GPR158: variants seen among roughly 807,000 people sequenced by gnomAD.
GPR158 encodes the protein G protein-coupled receptor 158.
In GPR158, 30 loss-of-function variants were observed where a neutral mutation model predicts 78.2. The observed-to-expected ratio is 0.38, with a 90% CI of 0.29 to 0.52. GPR158 has a LOEUF of 0.52. Among genes scored for constraint, GPR158 ranks in the 20% least tolerant of loss-of-function variants. GPR158 has a pLI of 0.83. For missense variants in GPR158, 1,463 were observed against 1,523.5 expected, an observed-to-expected ratio of 0.96 and a Z score of 0.66; for synonymous variants, 581 against 591.1, an observed-to-expected ratio of 0.98 and a Z score of 0.25.
chr10:25,191,354 G>T (rs988358441), intron 1 of GPR158, among the ~76,000 whole-genome samples: 3 of 152,164 alleles, frequency 2.0e-5, no homozygotes, highest in Admixed American at 6.5e-5. Flanking sequence ...CGAAGAAAAA[G>T]ATGCTGAGTC....
At chr10:25,522,418 G>A (rs11014593) in intron 5 of GPR158, among the ~76,000 whole-genome samples, 20,857 of 152,178 alleles carry the variant, frequency 0.14, 2,426 homozygotes, top group African/African-American at 0.32. Context: ...AGATATTCCA[G>A]CAGAGTCATG....
chr10:25,522,532 A>G (rs1836292020), intron 5 of GPR158, among the ~76,000 whole-genome samples: 1 of 152,190 alleles, frequency 6.6e-6, no homozygotes, highest in African/African-American at 2.4e-5. Flanking sequence ...ATGACTAATG[A>G]GAAAAGGGAT....
chr10:25,320,784 A>G (rs1854936894), intron 2 of GPR158, among the ~76,000 whole-genome samples: 1 of 152,232 alleles, frequency 6.6e-6, no homozygotes, highest in African/African-American at 2.4e-5. Flanking sequence ...CTGAAAAATA[A>G]TGCTGTCACC....
intron 4 of GPR158, among the ~76,000 whole-genome samples, chr10:25,457,225 C>A (rs982255953): frequency 7.3e-6 from 1 of 137,744 alleles, no homozygotes; most frequent in African/African-American, 2.7e-5. Flanking sequence ...GAACTCCTGA[C>A]CTCAGGTGAT....
intron 5 of GPR158, among the ~76,000 whole-genome samples, chr10:25,501,843 G>T (rs79723836): frequency 0.035 from 5,348 of 152,254 alleles, 303 homozygotes; most frequent in African/African-American, 0.12. Context: ...CACCAGAAAA[G>T]AAACTACCCA....
At chr10:25,483,635 C>T (rs572001369) in intron 5 of GPR158, among the ~76,000 whole-genome samples, 13 of 151,966 alleles carry the variant, frequency 8.6e-5, no homozygotes, top group Non-Finnish European at 1.5e-4. Context: ...AATTTGAATC[C>T]GCTGCTGTTT....
intron 2 of GPR158, among the ~76,000 whole-genome samples, chr10:25,247,997 T>A (rs1405751189): frequency 1.3e-5 from 2 of 151,750 alleles, no homozygotes; most frequent in Non-Finnish European, 2.9e-5. Flanking sequence ...GACTTTTTAA[T>A]GATTGCCATT....
chr10:25,517,282 G>C (rs1836191396), intron 5 of GPR158, among the ~76,000 whole-genome samples: 1 of 151,396 alleles, frequency 6.6e-6, no homozygotes, highest in African/African-American at 2.4e-5. Context: ...CTGAGACAAT[G>C]GGGTTTTCTA....
intron 5 of GPR158, among the ~76,000 whole-genome samples, chr10:25,534,452 C>T (rs183490202): frequency 1.3e-3 from 205 of 152,024 alleles, no homozygotes; most frequent in Admixed American, 2.2e-3. Context: ...CCCTGGCTAA[C>T]GTGATAAAAC....
chr10:25,303,085 C>T (rs1395000693), intron 2 of GPR158, among the ~76,000 whole-genome samples: 1 of 152,176 alleles, frequency 6.6e-6, no homozygotes, highest in Non-Finnish European at 1.5e-5. Context: ...AGGATTCTTA[C>T]TTGGTAAATG....
At chr10:25,250,938 G>T (rs1004108678) in intron 2 of GPR158, among the ~76,000 whole-genome samples, 22 of 151,536 alleles carry the variant, frequency 1.5e-4, no homozygotes, top group African/African-American at 5.4e-4. Flanking sequence ...TTATTATTGT[G>T]TGGGCGTCTA....
At chr10:25,563,567 CT>C (rs1392299446) in intron 6 of GPR158, among the ~76,000 whole-genome samples, 1 of 152,010 alleles carries the variant, frequency 6.6e-6, no homozygotes, top group Non-Finnish European at 1.5e-5. Flanking sequence ...TTTTGATTCC[CT>C]TCTTGTTTAT....
At chr10:25,469,682 G>A (rs760023242) in intron 5 of GPR158, among the ~76,000 whole-genome samples, 2 of 150,444 alleles carry the variant, frequency 1.3e-5, no homozygotes, top group Non-Finnish European at 2.9e-5. Flanking sequence ...TACTTGGGAG[G>A]CTGAGGTAGG....
At chr10:25,207,247 G>A (rs1853054416) in intron 1 of GPR158, among the ~76,000 whole-genome samples, 1 of 152,186 alleles carries the variant, frequency 6.6e-6, no homozygotes, top group Admixed American at 6.5e-5. Context: ...GGAAGCTCAG[G>A]GCCCATGGCA....
intron 5 of GPR158, among the ~76,000 whole-genome samples, chr10:25,546,332 C>G (rs1485762298): frequency 6.6e-6 from 1 of 152,080 alleles, no homozygotes; most frequent in Non-Finnish European, 1.5e-5. Flanking sequence ...TGTTCAGTAT[C>G]CAAAGAGTCA....
intron 2 of GPR158, among the ~76,000 whole-genome samples, chr10:25,393,051 TG>T (rs1342828297): frequency 1.3e-5 from 2 of 152,232 alleles, no homozygotes; most frequent in African/African-American, 4.8e-5. Context: ...CATGTTTCTG[TG>T]TTTTATGTAA....
chr10:25,186,349 TA>T (rs1375979664), intron 1 of GPR158, among the ~76,000 whole-genome samples: 2 of 151,924 alleles, frequency 1.3e-5, no homozygotes, highest in South Asian at 2.1e-4. Context: ...AAAAGCTAGC[TA>T]AAGGCAAGAA....
intron 4 of GPR158, among the ~76,000 whole-genome samples, chr10:25,425,883 A>AT (rs1453398008): frequency 6.6e-6 from 1 of 152,036 alleles, no homozygotes; most frequent in Admixed American, 6.6e-5. Context: ...GCAGATCAAG[A>AT]TTGTGCTCTA....
At chr10:25,241,442 A>T (rs1281213923) in intron 2 of GPR158, among the ~76,000 whole-genome samples, 2 of 81,234 alleles carry the variant, frequency 2.5e-5, no homozygotes, top group Non-Finnish European at 4.9e-5. Context: ...TTTTCTTTCG[A>T]CAGAGTCTTG....
Sources: gnomAD v4.1 joint callset for allele counts (sites outside exome capture counted in the v4.1 genomes callset) on GRCh38, gnomAD v4.1.1 for gene constraint, MANE v1.5 for transcripts, NCBI Gene and HGNC (gene_info 2026-07-23, HGNC 2026-07-21) for gene names.